Variants in FMN1 observed in about 807,000 individuals in gnomAD.
FMN1 encodes the protein formin-1.
Under a neutral mutation model 132.4 loss-of-function variants are expected in FMN1, and 110 were observed. The ratio of observed to expected loss-of-function variants is 0.83; its 90% confidence interval spans 0.71 to 0.97. The LOEUF is 0.97. FMN1 is among the 50% of genes least tolerant of loss of function. The pLI, the probability that FMN1 is intolerant of heterozygous loss-of-function variation, is 0.00. For missense variants in FMN1, 1,792 were observed against 1,705.3 expected, an observed-to-expected ratio of 1.05 and a Z score of -0.90; for synonymous variants, 722 against 651.7, an observed-to-expected ratio of 1.11 and a Z score of -1.64.
chr15:32,897,241 G>C (rs1377970366), intron 15 of FMN1, among the ~76,000 whole-genome samples: 1 of 152,134 alleles, frequency 6.6e-6, no homozygotes, highest in Non-Finnish European at 1.5e-5. Context: ...GTCTATTCAA[G>C]CCCATTACCC....
chr15:33,124,105 A>G (rs1962824801), intron 4 of FMN1, among the ~76,000 whole-genome samples: 1 of 152,210 alleles, frequency 6.6e-6, no homozygotes, highest in South Asian at 2.1e-4. Flanking sequence ...GGTGACGTGA[A>G]TTATCATTCA....
chr15:33,069,993 C>CTTTTTTT (rs1171369156), intron 5 of FMN1, among the ~76,000 whole-genome samples: 49 of 74,312 alleles, frequency 6.6e-4, no homozygotes, highest in Admixed American at 9.3e-4. Context: ...CAGTCTTTCT[C>CTTTTTTT]TTTTTTTTTT....
intron 17 of FMN1, among the ~76,000 whole-genome samples, chr15:32,842,933 C>G (rs573084621): frequency 7.7e-4 from 117 of 152,042 alleles, no homozygotes; most frequent in African/African-American, 2.8e-3. Context: ...CGGGGCCATC[C>G]TGGCCAACAT....
intron 17 of FMN1, chr15:32,837,306 G>C (rs554781543): frequency 5.3e-6 from 1 of 189,680 alleles, no homozygotes; most frequent in Admixed American, 5.1e-5. Context: ...GGTGTGGCCT[G>C]AAGGTCTTCT....
intron 6 of FMN1, among the ~76,000 whole-genome samples, chr15:33,048,081 T>G (rs1284506165): frequency 2.6e-5 from 4 of 152,122 alleles, no homozygotes. Context: ...TTTGGTAATC[T>G]TTGGGAAATA....
intron 17 of FMN1, among the ~76,000 whole-genome samples, chr15:32,848,128 A>G (rs894211305): frequency 2.0e-5 from 3 of 152,204 alleles, no homozygotes; most frequent in Non-Finnish European, 4.4e-5. Flanking sequence ...AAGAAAAAAA[A>G]TATGAGGAAC....
intron 7 of FMN1, among the ~76,000 whole-genome samples, chr15:32,989,494 C>T (rs1040515808): frequency 1.3e-5 from 2 of 151,708 alleles, no homozygotes; most frequent in African/African-American, 2.4e-5. Context: ...AGGGAAATAG[C>T]GGAAGAGAAA....
At chr15:32,922,951 T>G (rs1421955549) in intron 10 of FMN1, among the ~76,000 whole-genome samples, 1 of 152,062 alleles carries the variant, frequency 6.6e-6, no homozygotes, top group African/African-American at 2.4e-5. Context: ...TAGAGGCAAA[T>G]GATGTGGAGA....
intron 9 of FMN1, among the ~76,000 whole-genome samples, chr15:32,948,382 T>C (rs2140478951): frequency 6.6e-6 from 1 of 152,152 alleles, no homozygotes; most frequent in East Asian, 1.9e-4. Flanking sequence ...CTGTAGTTTC[T>C]TTTACTTCTG....
intron 9 of FMN1, among the ~76,000 whole-genome samples, chr15:32,952,900 G>A (rs2061685108): frequency 6.6e-6 from 1 of 152,192 alleles, no homozygotes; most frequent in South Asian, 2.1e-4. Context: ...GGTTCCATCT[G>A]GCTGCTTCTG....
chr15:33,137,201 G>A (rs756749581), intron 4 of FMN1, among the ~76,000 whole-genome samples: 1 of 150,910 alleles, frequency 6.6e-6, no homozygotes, highest in Non-Finnish European at 1.5e-5. Context: ...GCAATGAAGT[G>A]TGTACCCACA....
chr15:32,851,349 C>G (rs986683983), intron 17 of FMN1, among the ~76,000 whole-genome samples: 2 of 152,170 alleles, frequency 1.3e-5, no homozygotes, highest in African/African-American at 2.4e-5. Context: ...AGATCTATAC[C>G]TGGGATCTAA....
chr15:33,150,460 G>A (rs752289303), intron 4 of FMN1: 9 of 985,234 alleles, frequency 9.1e-6, no homozygotes, highest in Middle Eastern at 5.2e-4. Context: ...ACCACTATGT[G>A]GTGATAATGG....
intron 15 of FMN1, among the ~76,000 whole-genome samples, chr15:32,898,147 G>A (rs1180538322): frequency 6.6e-6 from 1 of 152,122 alleles, no homozygotes; most frequent in African/African-American, 2.4e-5. Flanking sequence ...TTCTTCCCTC[G>A]ATGCTTAGGA....
intron 4 of FMN1, among the ~76,000 whole-genome samples, chr15:33,114,339 A>G (rs2039829371): frequency 2.0e-5 from 3 of 151,838 alleles, no homozygotes; most frequent in Admixed American, 6.5e-5. Context: ...CAGTGACATA[A>G]GAAGAAATAA....
intron 6 of FMN1, among the ~76,000 whole-genome samples, chr15:33,051,086 C>A (rs981625062): frequency 1.3e-5 from 2 of 152,160 alleles, no homozygotes; most frequent in African/African-American, 2.4e-5. Context: ...AAGGACCCCC[C>A]CTTTAAGAAG....
At chr15:33,103,355 TTCTC>T (rs1192322062) in intron 4 of FMN1, among the ~76,000 whole-genome samples, 8 of 152,070 alleles carry the variant, frequency 5.3e-5, no homozygotes, top group Non-Finnish European at 1.0e-4. Context: ...GAAATAATGG[TTCTC>T]ACCTTCTGGA....
At chr15:33,095,669 G>C (rs2039056871) in intron 4 of FMN1, among the ~76,000 whole-genome samples, 1 of 151,794 alleles carries the variant, frequency 6.6e-6, no homozygotes, top group Admixed American at 6.6e-5. Flanking sequence ...CATTGTGCCT[G>C]GCCCCAAAAA....
intron 4 of FMN1, among the ~76,000 whole-genome samples, chr15:33,125,857 A>G (rs767319397): frequency 6.6e-6 from 1 of 152,186 alleles, no homozygotes. Flanking sequence ...CTAAATCTCT[A>G]AATGTTTAAC....
Sources: gnomAD v4.1 joint callset for allele counts (sites outside exome capture counted in the v4.1 genomes callset) on GRCh38, gnomAD v4.1.1 for gene constraint, MANE v1.5 for transcripts, NCBI Gene and HGNC (gene_info 2026-07-23, HGNC 2026-07-21) for gene names.